IGSF9: variants seen among roughly 807,000 people sequenced by gnomAD.
The protein encoded by IGSF9 is protein turtle homolog A.
IGSF9 carries 87 observed loss-of-function variants against 121.7 expected under a neutral mutation model. The observed-to-expected ratio is 0.71, with a 90% CI of 0.60 to 0.85. The LOEUF (loss-of-function observed/expected upper bound fraction) is 0.85. Ranked by LOEUF, IGSF9 falls within the 40% of genes least tolerant of loss-of-function variation. The probability of loss-of-function intolerance (pLI) is 0.00; values close to 1 mark genes in which losing one functional copy is unlikely to be tolerated. For missense variants in IGSF9, 1,462 were observed against 1,565.3 expected, an observed-to-expected ratio of 0.93 and a Z score of 1.11; for synonymous variants, 640 against 648.4, an observed-to-expected ratio of 0.99 and a Z score of 0.20.
At chr1:159,935,620 T>C (rs1651156660) in intron 6 of IGSF9, among the ~76,000 whole-genome samples, 1 of 152,238 alleles carries the variant, frequency 6.6e-6, no homozygotes, top group South Asian at 2.1e-4. Context: ...GAAGAGGTCA[T>C]GATGCGAGCT....
At chr1:159,934,056 T>C in intron 9 of IGSF9, 134 bp downstream of exon 9, 1 of 1,095,880 alleles carries the variant, frequency 9.1e-7, no homozygotes, top group Non-Finnish European at 1.3e-6. Flanking sequence ...ACATGTCTTA[T>C]AACACAAATT....
chr1:159,937,825 C>G lies in IGSF9; in HGVS notation c.261G>C (p.Leu87=). Residue 87 remains leucine (L), a synonymous_variant, in exon 4 of 21, where the codon CTG becomes CTC. Coordinates refer to ENST00000368094, the MANE Select transcript of IGSF9 (RefSeq NM_001135050.2). ...IDPDYVGRVR[L]QKGASLQIEG... ...CAATCTGGAGAGAGGCCCCCTTCTG[C>G]AGCCGGACTCGTCCTGGGGGAGGAG... 1 of 1,613,860 alleles carries G rather than the reference C, an allele frequency of 6.2e-7. No homozygotes were observed. Among genetic ancestry groups the G allele is most frequent in the Non-Finnish European group, 8.5e-7 (1 of 1,179,848 alleles).
intron 4 of IGSF9, 100 bp from the exon 5 acceptor site, chr1:159,937,008 C>A: frequency 8.3e-7 from 1 of 1,208,818 alleles, no homozygotes; most frequent in South Asian, 1.4e-5. Flanking sequence ...GCCTGCTGCC[C>A]ACCCACCAGC....
chr1:159,937,953 C>T, intron 3 of IGSF9, 115 bp from the exon 4 acceptor site: 1 of 1,157,724 alleles, frequency 8.6e-7, no homozygotes, highest in Non-Finnish European at 1.2e-6. Context: ...CCCAGTTACT[C>T]TGAGTGTGGG....
intron 9 of IGSF9, 76 bp downstream of exon 9, chr1:159,934,114 G>C: frequency 6.7e-7 from 1 of 1,503,124 alleles, no homozygotes. Flanking sequence ...GAATTAAACC[G>C]AGCTAACTCC....
At chr1:159,936,179 C>A (rs1032113480) in intron 6 of IGSF9, among the ~76,000 whole-genome samples, 5 of 152,228 alleles carry the variant, frequency 3.3e-5, no homozygotes, top group African/African-American at 1.2e-4. Flanking sequence ...CACTATAACA[C>A]ACTACTGGGC....
At chr1:159,943,728 G>A (rs1651489041) in intron 1 of IGSF9, 100 bp from the exon 2 acceptor site, 1 of 388,396 alleles carries the variant, frequency 2.6e-6, no homozygotes, top group Middle Eastern at 6.4e-4. Flanking sequence ...AAAGGAGGGA[G>A]GAGTGTAGTT....
At position 159,929,661 on chromosome 1, in the gene IGSF9, C is replaced by G; in HGVS notation, c.2303G>C (p.Arg768Pro). The change falls in exon 17 of 21, where the codon CGC becomes CCC. Residue 768 changes from arginine (R) to proline (P), a missense_variant. Around this residue, in one of 3 missense-constraint regions of IGSF9, gnomAD observed 808 missense variants for 815.2 expected, o/e 0.99. Transcript: ENST00000368094. ...ACCTTGGCGGAGGCGCTTGCGGCGG[C>G]GGCGGGCAGCCCTGCGCCGGTTCAG... is the stretch of plus-strand genomic sequence containing the variant. ...CLLNRRRAAR[R>P]RRKRLRQDPP... 1 of 1,593,718 alleles carries G rather than the reference C, an allele frequency of 6.3e-7. No individual in the cohort carries two copies. The highest frequency in any genetic ancestry group is 1.3e-5 in the African/African-American group (1 of 74,892).
intron 4 of IGSF9, among the ~76,000 whole-genome samples, chr1:159,937,300 A>C (rs1651225811): frequency 6.6e-6 from 1 of 152,180 alleles, no homozygotes; most frequent in Non-Finnish European, 1.5e-5. Context: ...TGAGAGATAA[A>C]TAATAAGGGC....
At position 159,930,220 on chromosome 1, in the gene IGSF9, T is replaced by C; in HGVS notation, c.2033A>G (p.Glu678Gly). 1.9e-6 allele frequency: 3 copies of C among 1,612,586 alleles called. No individual in the cohort carries two copies. The highest frequency in any genetic ancestry group is 1.7e-4 in the Middle Eastern group (1 of 6,054). ...GAGGCCTGGCACCAGCAGCTCTGTT[T>C]CTGTGCCTGCCACAGCCGGGTCCAG... Reference protein sequence around the residue: ...EVLDPAVAGTETELLVPGLIK... With the variant: ...EVLDPAVAGTGTELLVPGLIK... The change falls in exon 15 of 21, where the codon GAA (glutamate) becomes GGA (glycine). Residue 678 changes from glutamate to glycine, a missense_variant. Transcript: ENST00000368094.
At chr1:159,940,482 A>G (rs1260299074) in intron 3 of IGSF9, among the ~76,000 whole-genome samples, 2 of 152,186 alleles carry the variant, frequency 1.3e-5, no homozygotes, top group East Asian at 3.9e-4. Flanking sequence ...TTGACTTCAG[A>G]TCTTCCCATA....
Position 159,927,283 on chromosome 1 carries a change from G to A in IGSF9, c.*62C>T. The A allele has an allele frequency of 1.3e-6, 2 of 1,596,354 alleles. No individual in the cohort carries two copies. Among genetic ancestry groups the A allele is most frequent in the South Asian group, 1.1e-5 (1 of 90,666 alleles). On this transcript the variant is annotated 3_prime_UTR_variant, in exon 21 of 21. Transcript: ENST00000368094. ...AGTGCCCTCGTTTGAAACTAGGTCT[G>A]TCTGGTTGGGGGCCTCCTTTGCAGG...
At position 159,936,734 on chromosome 1, in the gene IGSF9, T is replaced by C. The variant is rs1481647485; in HGVS notation, c.555+20A>G. ...CCTTCACACTCTATATGGCTCACTC[T>C]GTCCACCCCCAGGACTCACTTGCAC... On this transcript the variant is annotated intron_variant, in intron 5 of 20. Coordinates refer to ENST00000368094, the MANE Select transcript of IGSF9 (RefSeq NM_001135050.2). The C allele has an allele frequency of 1.2e-6, 2 of 1,613,454 alleles. No homozygotes were observed. The highest frequency in any genetic ancestry group is 2.2e-5 in the East Asian group (1 of 44,890).
At position 159,931,877 on chromosome 1, in the gene IGSF9, C is replaced by G. The variant is rs747500186; in HGVS notation, c.1297G>C (p.Gly433Arg). ...RPKEEYFQEV[G>R]RELLIPCSAQ... ...GAGCAGGGGATGAGCAGCTCCCGCC[C>G]TACTTCTTGGAAATATTCTTCCTTG... is the stretch of plus-strand genomic sequence containing the variant. The change falls in exon 11 of 21, where the codon GGG (glycine) becomes CGG (arginine). Residue 433 changes from glycine (G) to arginine (R), a missense_variant. Coordinates refer to ENST00000368094, the MANE Select transcript of IGSF9 (RefSeq NM_001135050.2). The surrounding 1 kb of genome is among the most constrained non-coding windows in gnomAD (Gnocchi z 4.8). The G allele has an allele frequency of 6.3e-7, 1 of 1,598,540 alleles. No homozygotes were observed. Among genetic ancestry groups the G allele is most frequent in the East Asian group, 2.2e-5 (1 of 44,776 alleles).
Position 159,934,227 on chromosome 1 carries a change from C to T in IGSF9, c.1067G>A (p.Ser356Asn), listed in dbSNP as rs750571033. 5 of 1,614,022 alleles carry T rather than the reference C, an allele frequency of 3.1e-6. No individual in the cohort carries two copies. The South Asian group carries it at 5.5e-5, about 18-fold the overall frequency. The change falls in exon 9 of 21, where the codon AGC becomes AAC. Residue 356 changes from serine (S) to asparagine (N), a missense_variant. Ser to Asn is a conservative substitution (Grantham distance 46). Coordinates refer to ENST00000368094, the MANE Select transcript of IGSF9 (RefSeq NM_001135050.2). ...VRANPPLLFV[S>N]WTKDGKALQL... ...CAGGGCCTTTCCATCCTTGGTCCAG[C>T]TGACAAAGAGCAGTGGGGGGTTGGC...
At chr1:159,940,898 G>GACCC (rs1397251468) in intron 3 of IGSF9, among the ~76,000 whole-genome samples, 1 of 152,158 alleles carries the variant, frequency 6.6e-6, no homozygotes, top group Non-Finnish European at 1.5e-5. Context: ...GTTGGTCTAA[G>GACCC]ACCCACCTTA....
chr1:159,943,613 C>T lies in IGSF9; in HGVS notation c.-159G>A, dbSNP rs544865521. 2.4e-5 allele frequency: 13 copies of T among 544,574 alleles called. No individual in the cohort carries two copies. In the Middle Eastern group the frequency reaches 1.5e-3, roughly 62 times the overall value. The allele number at this position is 544,574 out of a possible 1,614,324, so 33.7% of individuals were successfully genotyped here. On this transcript the variant is annotated 5_prime_UTR_variant, in exon 2 of 21. Coordinates refer to ENST00000368094, the MANE Select transcript of IGSF9 (RefSeq NM_001135050.2). Reference sequence around the variant, plus strand: ...TGTAACACCCGAGGAAGCTGCTCTCCGGAGAACCACCAGATCTAAATGAAA... The same window carrying T: ...TGTAACACCCGAGGAAGCTGCTCTCTGGAGAACCACCAGATCTAAATGAAA...
At position 159,929,724 on chromosome 1, in the gene IGSF9, C is replaced by G. The variant is rs548722737; in HGVS notation, c.2240G>C (p.Gly747Ala). Reference protein sequence around the residue: ...AGVVGGVCFLGVAVLVSILAG... With the variant: ...AGVVGGVCFLAVAVLVSILAG... ...CAGGATGCTCACAAGGACGGCCACT[C>G]CCAGAAAGCAGACTCCGCCCACCAC... The change falls in exon 17 of 21, where the codon GGA becomes GCA. Residue 747 changes from glycine to alanine, a missense_variant. Transcript: ENST00000368094. 1.2e-6 allele frequency: 2 copies of G among 1,602,742 alleles called. No homozygotes were observed. Among genetic ancestry groups the G allele is most frequent in the Non-Finnish European group, 1.7e-6 (2 of 1,175,606 alleles).
intron 1 of IGSF9, 70 bp from the exon 2 acceptor site, chr1:159,943,698 G>A: frequency 7.5e-6 from 3 of 401,828 alleles, no homozygotes. Context: ...CCCACCATTA[G>A]AGAAAGGCAC....
Sources: gnomAD v4.1 joint callset for allele counts (sites outside exome capture counted in the v4.1 genomes callset) on GRCh38, gnomAD v4.1.1 for gene constraint, gnomAD v4.1.1 regional missense constraint, Gnocchi (gnomAD v3.1) non-coding constraint, MANE v1.5 for transcripts, NCBI Gene and HGNC (gene_info 2026-07-23, HGNC 2026-07-21) for gene names.